Variants in SHANK2 observed in about 807,000 individuals in gnomAD.
SHANK2 encodes SH3 and multiple ankyrin repeat domains 2.
In SHANK2, 43 loss-of-function variants were observed where a neutral mutation model predicts 133.7. The ratio of observed to expected loss-of-function variants is 0.32; its 90% CI spans 0.25 to 0.41. The LOEUF (loss-of-function observed/expected upper bound fraction) is 0.41. Among genes scored for constraint, SHANK2 ranks in the 10% least tolerant of loss-of-function variants. SHANK2 has a pLI of 1.00. For missense variants in SHANK2, 1,994 were observed against 2,235.8 expected, an observed-to-expected ratio of 0.89 and a Z score of 2.18; for synonymous variants, 1,017 against 952.8, an observed-to-expected ratio of 1.07 and a Z score of -1.24.
intron 17 of SHANK2, among the ~76,000 whole-genome samples, chr11:70,524,280 A>G (rs1332497440): frequency 6.6e-6 from 1 of 152,198 alleles, no homozygotes; most frequent in East Asian, 1.9e-4. Flanking sequence ...GGAAAGCACC[A>G]GGGGCAGCTG....
intron 17 of SHANK2, among the ~76,000 whole-genome samples, chr11:70,622,581 G>T (rs373785999): frequency 4.6e-5 from 7 of 152,308 alleles, no homozygotes; most frequent in African/African-American, 1.4e-4. Flanking sequence ...CAGGGGCTGC[G>T]GCCACCCTGG....
At chr11:70,650,567 ACAC>A (rs2134209078) in intron 17 of SHANK2, among the ~76,000 whole-genome samples, 1 of 152,330 alleles carries the variant, frequency 6.6e-6, no homozygotes, top group South Asian at 2.1e-4. Context: ...GTACAGCCAC[ACAC>A]ATTTGTACCT....
intron 17 of SHANK2, among the ~76,000 whole-genome samples, chr11:70,649,862 A>G (rs1394640538): frequency 1.3e-5 from 2 of 152,242 alleles, no homozygotes; most frequent in Admixed American, 6.5e-5. Flanking sequence ...TCAGACAGAC[A>G]CAGTGCAAAA....
intron 2 of SHANK2, among the ~76,000 whole-genome samples, chr11:71,197,691 C>T (rs1201809671): frequency 6.6e-6 from 1 of 152,214 alleles, no homozygotes; most frequent in African/African-American, 2.4e-5. Flanking sequence ...CGCTCTGTCG[C>T]CCAGGCTGGA....
intron 9 of SHANK2, among the ~76,000 whole-genome samples, chr11:71,061,107 G>A (rs1950981334): frequency 6.6e-6 from 1 of 152,260 alleles, no homozygotes. Context: ...TCCACACTGT[G>A]GGAGGTGCAG....
intron 17 of SHANK2, among the ~76,000 whole-genome samples, chr11:70,556,303 A>C (rs2059828616): frequency 6.6e-6 from 1 of 152,248 alleles, no homozygotes; most frequent in African/African-American, 2.4e-5. Context: ...AAGGACATCC[A>C]GGCTACATCC....
chr11:70,852,638 T>C (rs1314795862), intron 11 of SHANK2, among the ~76,000 whole-genome samples: 6 of 152,024 alleles, frequency 3.9e-5, no homozygotes, highest in Non-Finnish European at 7.4e-5. Context: ...AGGTCAGGAG[T>C]TCGAGACCAG....
At chr11:71,102,685 C>T (rs1343449145) in intron 6 of SHANK2, among the ~76,000 whole-genome samples, 1 of 152,240 alleles carries the variant, frequency 6.6e-6, no homozygotes, top group Non-Finnish European at 1.5e-5. Flanking sequence ...CCTGGGCCTG[C>T]CTGGGTCATC....
chr11:70,631,459 G>A (rs1555002206), intron 17 of SHANK2, among the ~76,000 whole-genome samples: 1 of 151,206 alleles, frequency 6.6e-6, no homozygotes, highest in African/African-American at 2.4e-5. Flanking sequence ...CCATGTCCCT[G>A]GTCCTTTTCT....
At chr11:70,833,721 G>A (rs928573623) in intron 11 of SHANK2, among the ~76,000 whole-genome samples, 1 of 152,210 alleles carries the variant, frequency 6.6e-6, no homozygotes, top group African/African-American at 2.4e-5. Flanking sequence ...TTGCCATCAC[G>A]ACCACGACTG....
chr11:71,063,496 C>T (rs922795427), intron 9 of SHANK2, among the ~76,000 whole-genome samples: 28 of 152,326 alleles, frequency 1.8e-4, no homozygotes, highest in African/African-American at 6.7e-4. Context: ...TCTGGTTTAA[C>T]TCTCAAGGTA....
chr11:70,598,457 A>C (rs1392119257), intron 17 of SHANK2, among the ~76,000 whole-genome samples: 12 of 152,354 alleles, frequency 7.9e-5, no homozygotes, highest in African/African-American at 2.9e-4. Flanking sequence ...TAAAGAAAAC[A>C]TGAGGCCCAG....
At chr11:71,209,326 C>T (rs894947532) in intron 2 of SHANK2, among the ~76,000 whole-genome samples, 1 of 152,172 alleles carries the variant, frequency 6.6e-6, no homozygotes, top group Admixed American at 6.5e-5. Context: ...TGGGCCACTC[C>T]CGACACAGGC....
intron 14 of SHANK2, among the ~76,000 whole-genome samples, chr11:70,772,193 AC>A (rs1286306802): frequency 6.6e-6 from 1 of 152,110 alleles, no homozygotes; most frequent in African/African-American, 2.4e-5. Flanking sequence ...AAATCCTAGC[AC>A]TTTGGGAGGC....
intron 17 of SHANK2, among the ~76,000 whole-genome samples, chr11:70,524,355 AG>A (rs2059369918): frequency 6.6e-6 from 1 of 152,212 alleles, no homozygotes; most frequent in Admixed American, 6.5e-5. Flanking sequence ...GCCTGGAGAA[AG>A]GTATGGACTA....
At chr11:71,110,386 C>A (rs570015841) in intron 5 of SHANK2, among the ~76,000 whole-genome samples, 1 of 152,144 alleles carries the variant, frequency 6.6e-6, no homozygotes, top group South Asian at 2.1e-4. Flanking sequence ...TGCAGTGAGC[C>A]GAGATCGCGC....
At chr11:71,080,484 A>G (rs1565439231) in intron 8 of SHANK2, among the ~76,000 whole-genome samples, 2 of 152,214 alleles carry the variant, frequency 1.3e-5, no homozygotes, top group South Asian at 4.1e-4. Flanking sequence ...GGGGTTGTGC[A>G]ATGCCCAGCA....
intron 10 of SHANK2, among the ~76,000 whole-genome samples, chr11:70,906,058 C>T (rs1164543788): frequency 6.6e-6 from 1 of 152,168 alleles, no homozygotes; most frequent in African/African-American, 2.4e-5. Context: ...AGTGATCTGC[C>T]GGCCTAGGCC....
At chr11:70,637,664 G>A (rs1339347807) in intron 17 of SHANK2, among the ~76,000 whole-genome samples, 2 of 152,240 alleles carry the variant, frequency 1.3e-5, no homozygotes, top group Non-Finnish European at 2.9e-5. Flanking sequence ...CACTGGGAGT[G>A]AGGCTGGCGC....
Sources: gnomAD v4.1 joint callset for allele counts (sites outside exome capture counted in the v4.1 genomes callset) on GRCh38, gnomAD v4.1.1 for gene constraint, MANE v1.5 for transcripts, NCBI Gene and HGNC (gene_info 2026-07-23, HGNC 2026-07-21) for gene names.